Variants in SEMA5A observed in about 807,000 individuals in gnomAD.
SEMA5A encodes semaphorin-5A.
SEMA5A carries 55 observed loss-of-function variants against 135.5 expected under a neutral mutation model. The observed-to-expected ratio is 0.41, with a 90% CI of 0.33 to 0.51. The LOEUF is 0.51. Ranked by LOEUF, SEMA5A falls within the 20% of genes least tolerant of loss-of-function variation. SEMA5A has a pLI of 0.37. For synonymous variants in SEMA5A, 580 were observed against 546.5 expected (o/e 1.06, Z -0.85); for missense variants, 1,290 against 1,419.9 (o/e 0.91, Z 1.47).
intron 5 of SEMA5A, among the ~76,000 whole-genome samples, chr5:9,242,106 A>C (rs1323430817): frequency 6.6e-6 from 1 of 152,252 alleles, no homozygotes; most frequent in Non-Finnish European, 1.5e-5. Flanking sequence ...GAAATGTTAC[A>C]TTGCCATGGC....
intron 8 of SEMA5A, among the ~76,000 whole-genome samples, chr5:9,207,114 A>ATATATATATATATATG (rs1746071352): frequency 1.5e-5 from 2 of 132,420 alleles, no homozygotes; most frequent in Admixed American, 7.5e-5. Flanking sequence ...ATATATATAT[A>ATATATATATATATATG]TATATATATA....
intron 10 of SEMA5A, among the ~76,000 whole-genome samples, chr5:9,191,054 T>C (rs1745084576): frequency 6.6e-6 from 1 of 152,046 alleles, no homozygotes; most frequent in African/African-American, 2.4e-5. Context: ...GAAGAAATTA[T>C]TAAAAAATGT....
At chr5:9,416,880 G>A (rs139042187) in intron 2 of SEMA5A, among the ~76,000 whole-genome samples, 6 of 152,068 alleles carry the variant, frequency 3.9e-5, no homozygotes, top group Admixed American at 1.3e-4. Context: ...GGGATTATCC[G>A]GTGCAAATTG....
At chr5:9,520,986 T>G (rs1736794777) in intron 1 of SEMA5A, among the ~76,000 whole-genome samples, 1 of 152,204 alleles carries the variant, frequency 6.6e-6, no homozygotes, top group African/African-American at 2.4e-5. Flanking sequence ...GATGCATCAG[T>G]GTCGCACATT....
At chr5:9,138,411 T>C (rs1741879991) in intron 12 of SEMA5A, among the ~76,000 whole-genome samples, 1 of 152,214 alleles carries the variant, frequency 6.6e-6, no homozygotes, top group Non-Finnish European at 1.5e-5. Context: ...ATAATAATGA[T>C]ATGCAATACA....
At chr5:9,520,826 A>G (rs1363418307) in intron 1 of SEMA5A, among the ~76,000 whole-genome samples, 1 of 152,202 alleles carries the variant, frequency 6.6e-6, no homozygotes, top group African/African-American at 2.4e-5. Context: ...CAAAACAAGG[A>G]AAGTCTGAGA....
intron 1 of SEMA5A, among the ~76,000 whole-genome samples, chr5:9,439,594 G>A (rs1758159490): frequency 1.3e-5 from 2 of 152,168 alleles, no homozygotes; most frequent in African/African-American, 4.8e-5. Flanking sequence ...CCCTCAGCTG[G>A]ACAGCAAAAC....
In SEMA5A at chr5:9,325,701, A is replaced by T. The variant is rs1438836572; in HGVS notation, c.225-7284T>A. 2.0e-5 allele frequency among the ~76,000 whole-genome samples: 3 copies of T among 152,202 alleles called. No individual in the cohort carries two copies. The South Asian group carries it at 6.2e-4, about 31-fold the overall frequency. On this transcript the variant is annotated intron_variant, in intron 4 of 22. Coordinates refer to ENST00000382496, the MANE Select transcript of SEMA5A (RefSeq NM_003966.3). ...GCATATTAACTAAATGACTCATTTC[A>T]TCTAGAGACACTATAAAACTTAACT...
intron 2 of SEMA5A, among the ~76,000 whole-genome samples, chr5:9,400,182 G>A (rs35824054): frequency 0.2 from 30,959 of 151,996 alleles, 3,675 homozygotes; most frequent in Middle Eastern, 0.29. Flanking sequence ...AAGTGAGGGA[G>A]AGCATTAAGA....
intron 11 of SEMA5A, among the ~76,000 whole-genome samples, chr5:9,162,579 T>TATATAC (rs1743348874): frequency 7.8e-6 from 1 of 129,004 alleles, no homozygotes; most frequent in Non-Finnish European, 1.6e-5. Flanking sequence ...TATATATATA[T>TATATAC]ATATATACAC....
In SEMA5A at chr5:9,041,253, A is replaced by G. The variant is rs1735951001; in HGVS notation, c.*1644T>C. 1 of 152,326 alleles carries G rather than the reference A, an allele frequency of 6.6e-6. No individual in the cohort carries two copies. The highest frequency in any genetic ancestry group is 2.4e-5 in the African/African-American group (1 of 41,550). 9.4% of individuals were successfully genotyped at this position (152,326 alleles called of 1,614,324 possible). On this transcript the variant is annotated 3_prime_UTR_variant, in exon 23 of 23. Transcript: ENST00000382496. ...TTGTTTCTTTAAATTAGAAACAAAG[A>G]TAAGGGTAAAATCACATATGCTAAT...
intron 3 of SEMA5A, among the ~76,000 whole-genome samples, chr5:9,371,461 G>A (rs1335355348): frequency 6.6e-6 from 1 of 152,064 alleles, no homozygotes; most frequent in Non-Finnish European, 1.5e-5. Context: ...TAACATCTCT[G>A]TGCACTCATG....
rs1344041349 is a variant in SEMA5A, at chr5:9,546,031, G to GGCTCAGGGAGAGC, written c.-635_-623dup. The GGCTCAGGGAGAGC allele has an allele frequency of 6.6e-6, 1 of 152,276 alleles. No homozygotes were observed. The highest frequency in any genetic ancestry group is 2.4e-5 in the African/African-American group (1 of 41,442). 9.4% of individuals were successfully genotyped at this position (152,276 alleles called of 1,614,324 possible). A position where few individuals can be genotyped will look rare whatever the true frequency, so the allele number is the denominator to read the frequency against. ...GGCGGGAAAGCAGCGCTCGGGAGCG[G>GGCTCAGGGAGAGC]GCTCAGGGAGAGCAGCCGCCACCGG... On this transcript the variant is annotated 5_prime_UTR_variant, in exon 1 of 23. Transcript: ENST00000382496.
intron 5 of SEMA5A, chr5:9,265,315 T>G: frequency 2.5e-6 from 1 of 400,154 alleles, no homozygotes; most frequent in African/African-American, 2.0e-5. Context: ...ACCTCCTTAT[T>G]AGAAGGACAG....
intron 17 of SEMA5A, among the ~76,000 whole-genome samples, chr5:9,063,578 T>C (rs1440835075): frequency 1.3e-5 from 2 of 152,122 alleles, no homozygotes. Context: ...CTTTCAAAGG[T>C]GAATTAATGC....
intron 5 of SEMA5A, among the ~76,000 whole-genome samples, chr5:9,301,781 T>C (rs992639090): frequency 6.6e-6 from 1 of 152,084 alleles, no homozygotes; most frequent in Non-Finnish European, 1.5e-5. Flanking sequence ...ACCTGCAATA[T>C]ATGAGAAAGA....
chr5:9,373,064 G>A (rs546156179), intron 3 of SEMA5A, among the ~76,000 whole-genome samples: 1 of 152,240 alleles, frequency 6.6e-6, no homozygotes, highest in South Asian at 2.1e-4. Context: ...CATTAGAGAA[G>A]GGCAGAAAGA....
At chr5:9,402,070 T>C (rs1756681533) in intron 2 of SEMA5A, among the ~76,000 whole-genome samples, 1 of 152,244 alleles carries the variant, frequency 6.6e-6, no homozygotes, top group Non-Finnish European at 1.5e-5. Context: ...TGGACTCAGA[T>C]GTCTAAACCA....
At chr5:9,297,206 A>G (rs1415739406) in intron 5 of SEMA5A, among the ~76,000 whole-genome samples, 1 of 152,196 alleles carries the variant, frequency 6.6e-6, no homozygotes, top group East Asian at 1.9e-4. Flanking sequence ...ACATATGTAT[A>G]TACACATACA....
Sources: gnomAD v4.1 joint callset for allele counts (sites outside exome capture counted in the v4.1 genomes callset) on GRCh38, gnomAD v4.1.1 for gene constraint, MANE v1.5 for transcripts, NCBI Gene and HGNC (gene_info 2026-07-23, HGNC 2026-07-21) for gene names.